Variants in PARN observed in about 807,000 individuals in gnomAD.
PARN encodes poly(A)-specific ribonuclease PARN.
Under a neutral mutation model 102.8 loss-of-function variants are expected in PARN, and 71 were observed. The ratio of observed to expected loss-of-function variants is 0.69; its 90% CI spans 0.57 to 0.84. PARN has a LOEUF of 0.84. Among genes scored for constraint, PARN ranks in the 40% least tolerant of loss-of-function variants. The probability of loss-of-function intolerance (pLI) is 0.00; values close to 1 mark genes in which losing one functional copy is unlikely to be tolerated. For synonymous variants in PARN, 261 were observed against 252.9 expected (o/e 1.03, Z -0.30); for missense variants, 782 against 760.9 (o/e 1.03, Z -0.33).
At chr16:14,552,397 A>G (rs1478329863) in intron 20 of PARN, among the ~76,000 whole-genome samples, 1 of 152,206 alleles carries the variant, frequency 6.6e-6, no homozygotes, top group Non-Finnish European at 1.5e-5. Context: ...CATTCAGTGC[A>G]ATACTAGGAT....
At chr16:14,534,474 C>T (rs1234782774) in intron 21 of PARN, among the ~76,000 whole-genome samples, 3 of 151,948 alleles carry the variant, frequency 2.0e-5, no homozygotes, top group South Asian at 2.1e-4. Context: ...GCACTAAAAG[C>T]GATTCAAACT....
intron 21 of PARN, among the ~76,000 whole-genome samples, chr16:14,534,769 G>C (rs957994178): frequency 6.6e-6 from 1 of 152,054 alleles, no homozygotes; most frequent in East Asian, 1.9e-4. Flanking sequence ...TTCACAAGCG[G>C]AAAGGATGAA....
At chr16:14,482,472 C>CTT (rs908996472) in intron 22 of PARN, among the ~76,000 whole-genome samples, 166 bp downstream of exon 22, 3 of 152,098 alleles carry the variant, frequency 2.0e-5, no homozygotes, top group African/African-American at 7.2e-5. Flanking sequence ...AAAGCAGTCT[C>CTT]TAAAATACAG....
intron 11 of PARN, 86 bp from the exon 12 acceptor site, chr16:14,600,046 T>A (rs1970783159): frequency 5.6e-6 from 4 of 714,826 alleles, no homozygotes; most frequent in Non-Finnish European, 8.9e-6. Context: ...AAAAAGACAC[T>A]GAAATTTTGT....
chr16:14,496,413 G>C (rs1964321852), intron 21 of PARN, among the ~76,000 whole-genome samples: 3 of 151,798 alleles, frequency 2.0e-5, no homozygotes, highest in Admixed American at 2.0e-4. Flanking sequence ...AAAAAGTTTA[G>C]AACTATTACT....
At chr16:14,596,321 G>A (rs1440166206) in intron 12 of PARN, among the ~76,000 whole-genome samples, 2 of 151,670 alleles carry the variant, frequency 1.3e-5, no homozygotes, top group African/African-American at 4.8e-5. Context: ...GCCAAAGGTG[G>A]TACAATTTAA....
At chr16:14,590,121 G>A (rs959824164) in intron 13 of PARN, among the ~76,000 whole-genome samples, 12 of 150,062 alleles carry the variant, frequency 8.0e-5, no homozygotes, top group Non-Finnish European at 4.4e-5. Flanking sequence ...CATGGTGGCG[G>A]GCGCCTGTAA....
At chr16:14,606,928 C>T (rs1397074643) in intron 9 of PARN, among the ~76,000 whole-genome samples, 2 of 151,956 alleles carry the variant, frequency 1.3e-5, no homozygotes, top group Admixed American at 6.6e-5. Context: ...ACTATAGGCA[C>T]CTGCCACCAC....
At chr16:14,515,479 G>C (rs563220486) in intron 21 of PARN, among the ~76,000 whole-genome samples, 1 of 152,306 alleles carries the variant, frequency 6.6e-6, no homozygotes, top group Non-Finnish European at 1.5e-5. Flanking sequence ...ACAGCCACTA[G>C]AGGTAAGTGA....
At chr16:14,552,604 T>G (rs1414937702) in intron 20 of PARN, among the ~76,000 whole-genome samples, 2 of 152,144 alleles carry the variant, frequency 1.3e-5, no homozygotes, top group African/African-American at 4.8e-5. Flanking sequence ...GTGTCCCAAG[T>G]AGCTGGGACT....
chr16:14,462,265 GA>G (rs965985672), intron 22 of PARN, among the ~76,000 whole-genome samples: 1 of 150,302 alleles, frequency 6.7e-6, no homozygotes, highest in Non-Finnish European at 1.5e-5. Context: ...GGAGTTGAAA[GA>G]AAAAAAAATC....
chr16:14,585,546 CAT>C (rs1410806804), intron 14 of PARN, among the ~76,000 whole-genome samples: 2 of 152,044 alleles, frequency 1.3e-5, no homozygotes, highest in Non-Finnish European at 2.9e-5. Flanking sequence ...AGATATGTGA[CAT>C]ATGACCTATC....
At chr16:14,603,238 AC>A (rs1343597847) in intron 11 of PARN, among the ~76,000 whole-genome samples, 1 of 152,012 alleles carries the variant, frequency 6.6e-6, no homozygotes, top group Non-Finnish European at 1.5e-5. Flanking sequence ...TCTAACTGGC[AC>A]CTTTTGTTTC....
intron 23 of PARN, among the ~76,000 whole-genome samples, chr16:14,439,427 G>A (rs1368945487): frequency 1.3e-5 from 2 of 149,324 alleles, no homozygotes; most frequent in African/African-American, 4.9e-5. Context: ...AGACAGGGAG[G>A]GAGGGAGGGA....
intron 18 of PARN, among the ~76,000 whole-genome samples, chr16:14,576,917 C>T (rs1379462376): frequency 1.3e-5 from 2 of 152,230 alleles, no homozygotes; most frequent in Non-Finnish European, 2.9e-5. Context: ...TCTTTGCATA[C>T]TGCTTAAACA....
intron 21 of PARN, among the ~76,000 whole-genome samples, chr16:14,492,587 T>A (rs1038965001): frequency 6.6e-5 from 10 of 152,176 alleles, no homozygotes; most frequent in Non-Finnish European, 1.5e-5. Context: ...AGTCAGGCCC[T>A]CTACTCTGCT....
At position 14,619,760 on chromosome 16, in the gene PARN, C is replaced by G. The variant is rs148295856; in HGVS notation, c.328-2110G>C. 8.3e-3 allele frequency among the ~76,000 whole-genome samples: 1,251 copies of G among 151,336 alleles called. 8 individuals are homozygous for G. Among genetic ancestry groups the G allele is most frequent in the Non-Finnish European group, 0.011 (735 of 67,822 alleles). ...CTCCAGCGTGGGTGACAGAACAAGT[C>G]TCTGCCTCTTAAAAAAAAAACAAAA... On this transcript the variant is annotated intron_variant, in intron 5 of 23. Transcript: ENST00000437198.
chr16:14,606,474 T>C lies in PARN; in HGVS notation c.702+10A>G. On this transcript the variant is annotated intron_variant, in intron 10 of 23. Coordinates refer to ENST00000437198, the MANE Select transcript of PARN (RefSeq NM_002582.4). ...GTTTAATGTTAGCCCTAGATAATTC[T>C]TGGGGTTACCTTTTCAGTTTCTAAA... 6.5e-7 allele frequency: 1 copy of C among 1,531,798 alleles called. No homozygotes were observed. Among genetic ancestry groups the C allele is most frequent in the Non-Finnish European group, 9.0e-7 (1 of 1,114,150 alleles). 94.9% of individuals were successfully genotyped at this position (1,531,798 alleles called of 1,614,324 possible). A position where few individuals can be genotyped will look rare whatever the true frequency, so the allele number is the denominator to read the frequency against.
chr16:14,541,552 T>C (rs957054482), intron 21 of PARN, among the ~76,000 whole-genome samples: 1 of 151,916 alleles, frequency 6.6e-6, no homozygotes, highest in Non-Finnish European at 1.5e-5. Context: ...CTCGGCTCAC[T>C]GCAACCTCTG....
Sources: allele counts gnomAD v4.1 joint callset (sites outside exome capture counted in the v4.1 genomes callset), GRCh38; gene constraint gnomAD v4.1.1; transcripts MANE v1.5; gene names NCBI Gene and HGNC (gene_info 2026-07-23, HGNC 2026-07-21).